The following DPF3 variants were observed in gnomAD, a reference collection of about 807,000 sequenced individuals.
The protein encoded by DPF3 is zinc finger protein DPF3.
In DPF3, 18 loss-of-function variants were observed where a neutral mutation model predicts 56.8. The ratio of observed to expected loss-of-function variants is 0.32; its 90% CI spans 0.22 to 0.47. The LOEUF is 0.47. Among genes scored for constraint, DPF3 ranks in the 20% least tolerant of loss-of-function variants. DPF3 has a pLI of 1.00. For missense variants in DPF3, 403 were observed against 488.8 expected, an observed-to-expected ratio of 0.82 and a Z score of 1.65; for synonymous variants, 188 against 180.2, an observed-to-expected ratio of 1.04 and a Z score of -0.35.
At chr14:72,756,886 AAAG>A (rs1890836879) in intron 2 of DPF3, among the ~76,000 whole-genome samples, 2 of 125,112 alleles carry the variant, frequency 1.6e-5, no homozygotes, top group African/African-American at 3.6e-5. Context: ...GGAAAGAAGG[AAAG>A]AAAGAAAGAA....
chr14:72,816,952 C>T (rs1883314639), intron 1 of DPF3, among the ~76,000 whole-genome samples: 2 of 152,158 alleles, frequency 1.3e-5, no homozygotes, highest in Non-Finnish European at 2.9e-5. Context: ...CTCCACCCAC[C>T]ATCTCATCCT....
chr14:72,790,957 C>G (rs1892405765), intron 1 of DPF3, among the ~76,000 whole-genome samples: 1 of 152,182 alleles, frequency 6.6e-6, no homozygotes, highest in Non-Finnish European at 1.5e-5. Flanking sequence ...CTTCCCTCTG[C>G]TCCTGGTGGT....
chr14:72,750,896 C>G (rs944364197), intron 3 of DPF3, among the ~76,000 whole-genome samples: 5 of 149,220 alleles, frequency 3.4e-5, no homozygotes, highest in Non-Finnish European at 7.4e-5. Context: ...TTTTGAATGT[C>G]AAAATATGTG....
intron 1 of DPF3, among the ~76,000 whole-genome samples, chr14:72,850,991 T>C (rs1051939721): frequency 1.3e-5 from 2 of 152,350 alleles, no homozygotes; most frequent in African/African-American, 4.8e-5. Flanking sequence ...CAGCTGCTGA[T>C]GGTTGCCATA....
At chr14:72,792,673 C>T (rs1479787507) in intron 1 of DPF3, among the ~76,000 whole-genome samples, 1 of 151,978 alleles carries the variant, frequency 6.6e-6, no homozygotes, top group Non-Finnish European at 1.5e-5. Flanking sequence ...AGTAGCAGCG[C>T]CTGCTCCTAC....
chr14:72,841,721 C>A (rs953179094), intron 1 of DPF3, among the ~76,000 whole-genome samples: 2 of 152,122 alleles, frequency 1.3e-5, no homozygotes, highest in Non-Finnish European at 2.9e-5. Context: ...ATATGGCTCA[C>A]ATGCATGAGA....
intron 2 of DPF3, among the ~76,000 whole-genome samples, chr14:72,760,268 C>A (rs955153353): frequency 6.6e-6 from 1 of 152,112 alleles, no homozygotes; most frequent in African/African-American, 2.4e-5. Flanking sequence ...GTCGGGAGTT[C>A]GAGAACCGCC....
At chr14:72,683,027 T>C (rs1444714116) in intron 7 of DPF3, among the ~76,000 whole-genome samples, 3 of 152,180 alleles carry the variant, frequency 2.0e-5, no homozygotes, top group Admixed American at 6.5e-5. Flanking sequence ...TGGGAACTTG[T>C]CAAAAATGCA....
At position 72,717,568 on chromosome 14, in the gene DPF3, G is replaced by A. The variant is rs180931148; in HGVS notation, c.526-3067C>T. On this transcript the variant is annotated intron_variant, in intron 5 of 10. Coordinates refer to ENST00000556509, the MANE Select transcript of DPF3 (RefSeq NM_001280542.3). ...CATCTTCTTCCCAGTTTGATTCGAA[G>A]GTCCTTGAGGGCAAAAATGGCATTC... Among the ~76,000 whole-genome samples the A allele has an allele frequency of 2.6e-5, 4 of 152,304 alleles. No individual in the cohort carries two copies. In the East Asian group the frequency reaches 7.7e-4, roughly 29 times the overall value.
chr14:72,892,422 C>G, intron 1 of DPF3: 1 of 1,474,270 alleles, frequency 6.8e-7, no homozygotes, highest in South Asian at 1.4e-5. Context: ...GCCAGGAGCT[C>G]CTATCTGATC....
At chr14:72,717,533 T>C (rs17119980) in intron 5 of DPF3, among the ~76,000 whole-genome samples, 1 of 152,030 alleles carries the variant, frequency 6.6e-6, no homozygotes, top group Non-Finnish European at 1.5e-5. Context: ...AATGGTATCA[T>C]GGGTATTAGC....
At chr14:72,671,538 T>C in intron 8 of DPF3, 1 of 797,088 alleles carries the variant, frequency 1.3e-6, no homozygotes, top group Admixed American at 1.7e-5. Context: ...CTTCCCCCAC[T>C]CCCCGAAAAG....
intron 4 of DPF3, among the ~76,000 whole-genome samples, chr14:72,726,595 A>T (rs979161610): frequency 2.0e-5 from 3 of 152,120 alleles, no homozygotes; most frequent in Non-Finnish European, 4.4e-5. Flanking sequence ...TCTCGACATA[A>T]TTCAGGAGGA....
chr14:72,662,864 C>CA (rs903192981), intron 8 of DPF3: 4 of 972,906 alleles, frequency 4.1e-6, no homozygotes, highest in Non-Finnish European at 3.6e-6. Flanking sequence ...AAAGATAAAA[C>CA]AAAAAACAAC....
At chr14:72,691,885 C>G (rs551686655) in intron 7 of DPF3, among the ~76,000 whole-genome samples, 109 of 152,240 alleles carry the variant, frequency 7.2e-4, no homozygotes, top group African/African-American at 2.5e-3. Context: ...GGACCTCCAG[C>G]CTCCAGAACT....
chr14:72,863,799 C>T (rs1322900309), intron 1 of DPF3, among the ~76,000 whole-genome samples: 1 of 152,186 alleles, frequency 6.6e-6, no homozygotes, highest in East Asian at 1.9e-4. Flanking sequence ...AGTCACTATG[C>T]CACTGTGCAA....
At chr14:72,633,499 G>T (rs1246024772) in intron 8 of DPF3, among the ~76,000 whole-genome samples, 1 of 152,066 alleles carries the variant, frequency 6.6e-6, no homozygotes, top group Non-Finnish European at 1.5e-5. Context: ...GAGAAACATG[G>T]CAAGAGGTAA....
intron 1 of DPF3, among the ~76,000 whole-genome samples, chr14:72,864,680 G>A (rs1450619192): frequency 6.7e-6 from 1 of 149,626 alleles, no homozygotes; most frequent in Non-Finnish European, 1.5e-5. Flanking sequence ...GCGGATGGAT[G>A]GATGGATGGA....
chr14:72,767,090 A>G (rs1052593195), intron 2 of DPF3, among the ~76,000 whole-genome samples: 8 of 152,232 alleles, frequency 5.3e-5, no homozygotes, highest in Admixed American at 5.2e-4. Context: ...GTTAAAGAGG[A>G]TGTCAACAGA....
Sources: allele counts gnomAD v4.1 joint callset (sites outside exome capture counted in the v4.1 genomes callset), GRCh38; gene constraint gnomAD v4.1.1; transcripts MANE v1.5; gene names NCBI Gene and HGNC (gene_info 2026-07-23, HGNC 2026-07-21).